Variants in SYNE4 observed in about 807,000 individuals in gnomAD.
The protein encoded by SYNE4 is spectrin repeat containing nuclear envelope family member 4.
Under a neutral mutation model 46.9 loss-of-function variants are expected in SYNE4, and 41 were observed. The observed-to-expected ratio is 0.87, with a 90% CI of 0.68 to 1.13. SYNE4 has a LOEUF of 1.13. Among genes scored for constraint, SYNE4 ranks in the 50% most tolerant of loss-of-function variants. The pLI, the probability that SYNE4 is intolerant of heterozygous loss-of-function variation, is 0.00. For missense variants in SYNE4, 492 were observed against 514.8 expected (o/e 0.96, Z 0.43); for synonymous variants, 221 against 219.5 (o/e 1.01, Z -0.06).
chr19:36,003,690 C>T lies in SYNE4; in HGVS notation c.973-19G>A. The T allele has an allele frequency of 1.2e-6, 2 of 1,610,076 alleles. No individual in the cohort carries two copies. Among genetic ancestry groups the T allele is most frequent in the Non-Finnish European group, 1.7e-6 (2 of 1,178,326 alleles). On this transcript the variant is annotated intron_variant, in intron 6 of 7. Transcript: ENST00000324444. ...TCTTGTCCTAAGGAGGGAGAGCAGC[C>T]AGCAGCAGAATGGATAGAAATGATG... is the stretch of plus-strand genomic sequence containing the variant.
At chr19:36,007,078 A>C (rs1293807689) in intron 3 of SYNE4, 47 bp downstream of exon 3, 2 of 1,575,718 alleles carry the variant, frequency 1.3e-6, no homozygotes, top group East Asian at 4.7e-5. Context: ...GCTGGCACCC[A>C]CTGCTGGGGC....
intron 5 of SYNE4, 186 bp from the exon 6 acceptor site, chr19:36,005,623 G>T (rs1976823110): frequency 1.7e-6 from 1 of 595,974 alleles, no homozygotes; most frequent in Non-Finnish European, 2.9e-6. Flanking sequence ...TCTGTTACAA[G>T]CCAGGAACTG....
Position 36,007,623 on chromosome 19 carries a change from T to A in SYNE4, c.280-355A>T, listed in dbSNP as rs1210200823. On this transcript the variant is annotated intron_variant, in intron 2 of 7. Coordinates refer to ENST00000324444, the MANE Select transcript of SYNE4 (RefSeq NM_001039876.3). ...CGGGCGCAGTGGTTCACATCTGTAA[T>A]CCCAGCACTTTGGGAGGCCGAGGCC... 5.1e-6 allele frequency: 5 copies of A among 984,634 alleles called. No individual in the cohort carries two copies. In the African/African-American group the frequency reaches 8.8e-5, roughly 17 times the overall value. The allele number at this position is 984,634 out of a possible 1,614,324, so 61.0% of individuals were successfully genotyped here.
At chr19:36,004,200 G>T (rs928048447) in intron 6 of SYNE4, among the ~76,000 whole-genome samples, 2 of 152,046 alleles carry the variant, frequency 1.3e-5, no homozygotes, top group African/African-American at 4.8e-5. Context: ...TTGTAGAGAT[G>T]GGGGGAGGGG....
At chr19:36,007,067 AGCTGGCACCCACT>A in intron 3 of SYNE4, 45 bp downstream of exon 3, 9 of 1,567,578 alleles carry the variant, frequency 5.7e-6, no homozygotes, top group Non-Finnish European at 6.9e-6. Context: ...CATCCCGGAA[AGCTGGCACCCACT>A]GCTGGGGCCG....
In SYNE4 at chr19:36,003,340, G is replaced by A. The variant is rs766755596; in HGVS notation, c.1212C>T (p.Val404=). 1 of 1,614,028 alleles carries A rather than the reference G, an allele frequency of 6.2e-7. No homozygotes were observed. The highest frequency in any genetic ancestry group is 1.1e-5 in the South Asian group (1 of 91,046). Residue 404 remains valine, a synonymous_variant, in exon 8 of 8, where the codon GTC becomes GTT. Transcript: ENST00000324444. ...CAGTGACCATTTATTACACACATCAGACTGGGGGAAGACCATTGACATAGC... is the reference window on the plus strand; with the variant it reads ...CAGTGACCATTTATTACACACATCAAACTGGGGGAAGACCATTGACATAGC... ...VLSYVNGLPP[V]
chr19:36,006,392 C>T (rs1976850813), intron 5 of SYNE4, 31 bp downstream of exon 5: 1 of 1,563,188 alleles, frequency 6.4e-7, no homozygotes, highest in Non-Finnish European at 8.7e-7. Context: ...GGGTGCCTGG[C>T]AGAAGGTCCC....
chr19:36,005,484 A>G (rs1376985738), intron 5 of SYNE4, 47 bp from the exon 6 acceptor site: 1 of 1,569,042 alleles, frequency 6.4e-7, no homozygotes, highest in African/African-American at 1.4e-5. Flanking sequence ...GAGGGCCAGG[A>G]TAGGGATGTC....
In SYNE4 at chr19:36,006,618, C is replaced by G; in HGVS notation, c.672G>C (p.Ser224=). The G allele has an allele frequency of 1.9e-6, 3 of 1,610,132 alleles. No individual in the cohort carries two copies. The highest frequency in any genetic ancestry group is 1.7e-6 in the Non-Finnish European group (2 of 1,178,164). ...AGACCCCACCAGGTCCTGGCCAGTCCGAGTCTCCCTCGACCTCCAAGTCCT... is the reference window on the plus strand; with the variant it reads ...AGACCCCACCAGGTCCTGGCCAGTCGGAGTCTCCCTCGACCTCCAAGTCCT... The part of the protein sequence containing the change: ...LDQDLEVEGD[S]DWPGPGGVWG... The change falls in exon 5 of 8, where the codon TCG becomes TCC. Residue 224 remains serine, a synonymous_variant. Coordinates refer to ENST00000324444, the MANE Select transcript of SYNE4 (RefSeq NM_001039876.3).
Position 36,003,507 on chromosome 19 carries a change from C to T in SYNE4, c.1045G>A (p.Ala349Thr). The change falls in exon 8 of 8, where the codon GCA (alanine) becomes ACA (threonine). Residue 349 changes from alanine to threonine, a missense_variant. By Grantham distance (58) the Ala-to-Thr change is moderately conservative (BLOSUM62 0). Transcript: ENST00000324444. ...LEGNPGAPDP[A>T]SRQPLTFLLI... ...AGGAAGGTCAGAGGCTGCCTGGATGCAGGATCGGGGGCCCTGTGAAGGGAA... is the reference window on the plus strand; with the variant it reads ...AGGAAGGTCAGAGGCTGCCTGGATGTAGGATCGGGGGCCCTGTGAAGGGAA... 3 of 1,600,258 alleles carry T rather than the reference C, an allele frequency of 1.9e-6. No homozygotes were observed. The highest frequency in any genetic ancestry group is 2.6e-6 in the Non-Finnish European group (3 of 1,172,990).
chr19:36,007,193 G>T lies in SYNE4; in HGVS notation c.355C>A (p.Arg119=), dbSNP rs181215219. ...LHLCLLGLGR[R]LQDLEQGLGH... Reference sequence around the variant, plus strand: ...AGGCCTTGCTCCAGGTCCTGCAGCCGGCGGCCCAGCCCCAGCAGGCACAGG... The same window carrying T: ...AGGCCTTGCTCCAGGTCCTGCAGCCTGCGGCCCAGCCCCAGCAGGCACAGG... Residue 119 remains arginine (R), a synonymous_variant, in exon 3 of 8, where the codon CGG becomes AGG. Coordinates refer to ENST00000324444, the MANE Select transcript of SYNE4 (RefSeq NM_001039876.3). 1 of 1,585,164 alleles carries T rather than the reference G, an allele frequency of 6.3e-7. No individual in the cohort carries two copies. Among genetic ancestry groups the T allele is most frequent in the Non-Finnish European group, 8.6e-7 (1 of 1,166,118 alleles).
chr19:36,007,698 G>A (rs1172683598), intron 2 of SYNE4: 4 of 573,142 alleles, frequency 7.0e-6, no homozygotes, highest in Non-Finnish European at 8.8e-6. Context: ...GCAACATGGT[G>A]AGACATCATC....
rs1229512396 is a variant in SYNE4, at chr19:36,008,347, A to C, written c.149T>G (p.Leu50Arg). 1.3e-6 allele frequency: 2 copies of C among 1,562,270 alleles called. No individual in the cohort carries two copies. The highest frequency in any genetic ancestry group is 1.7e-6 in the Non-Finnish European group (2 of 1,151,716). Reference sequence around the variant, plus strand: ...AGGAGGGCCCAAGGAGTCCTGTCCCAGGGTCTGGGCCTGCTCTGGGCTAGG... The same window carrying C: ...AGGAGGGCCCAAGGAGTCCTGTCCCCGGGTCTGGGCCTGCTCTGGGCTAGG... ...ESTSPEQAQT[L>R]GQDSLGPPEH... Residue 50 changes from leucine (L) to arginine (R), a missense_variant, in exon 2 of 8, where the codon CTG (leucine) becomes CGG (arginine). Physicochemically the swap from Leu to Arg is moderately radical, Grantham distance 102. Transcript: ENST00000324444.
At chr19:36,004,015 C>G (rs531172533) in intron 6 of SYNE4, among the ~76,000 whole-genome samples, 1 of 152,138 alleles carries the variant, frequency 6.6e-6, no homozygotes, top group Non-Finnish European at 1.5e-5. Context: ...CACACCTGGC[C>G]GACACATTAT....
Position 36,005,322 on chromosome 19 carries a change from A to G in SYNE4, c.972+11T>C. 6.2e-7 allele frequency: 1 copy of G among 1,613,752 alleles called. No homozygotes were observed. The highest frequency in any genetic ancestry group is 8.5e-7 in the Non-Finnish European group (1 of 1,179,860). On this transcript the variant is annotated intron_variant, in intron 6 of 7. Transcript: ENST00000324444. ...TTCCTGAGTGCTACACCTGGTTGAGAACTGGCTCACCTGAGGCTTCCGGAG... is the reference window on the plus strand; with the variant it reads ...TTCCTGAGTGCTACACCTGGTTGAGGACTGGCTCACCTGAGGCTTCCGGAG...
At position 36,006,831 on chromosome 19, in the gene SYNE4, G is replaced by C; in HGVS notation, c.537C>G (p.Ile179Met). Residue 179 changes from isoleucine to methionine, a missense_variant, in exon 4 of 8, where the codon ATC (isoleucine) becomes ATG (methionine). Physicochemically the swap from Ile to Met is conservative, Grantham distance 10. Transcript: ENST00000324444. ...CTCGGTAAGCTCCCAGGGCCCGCAG[G>C]ATCTGCTCCAGGGCTGCCCAGGCCC... ...EPRAWAALEQILRALGAYRDS... is the reference protein window; with the variant it reads ...EPRAWAALEQMLRALGAYRDS... The C allele has an allele frequency of 2.5e-6, 4 of 1,601,680 alleles. No homozygotes were observed. The highest frequency in any genetic ancestry group is 3.4e-6 in the Non-Finnish European group (4 of 1,175,376).
rs1173204964 is a variant in SYNE4, at chr19:36,008,766, C to A, written c.-85G>T. On this transcript the variant is annotated 5_prime_UTR_variant, in exon 1 of 8. Transcript: ENST00000324444. ...ACAAGGGTGTCCCAGAGCTCCTCCGCTGGAGTCACCCGGGCCTGAGGCTGC... is the reference window on the plus strand; with the variant it reads ...ACAAGGGTGTCCCAGAGCTCCTCCGATGGAGTCACCCGGGCCTGAGGCTGC... The A allele has an allele frequency of 1.4e-6, 2 of 1,479,434 alleles. No homozygotes were observed. The highest frequency in any genetic ancestry group is 1.8e-6 in the Non-Finnish European group (2 of 1,114,570). The allele number at this position is 1,479,434 out of a possible 1,614,324, so 91.6% of individuals were successfully genotyped here.
rs549535425 is a variant in SYNE4, at chr19:36,006,869, G to A, written c.499C>T (p.Arg167Trp). Reference sequence around the variant, plus strand: ...GCTGCCCAGGCCCTGGGCTCACTCCGCTGTGCCAGCCCCTCACCAAACGCT... The same window carrying A: ...GCTGCCCAGGCCCTGGGCTCACTCCACTGTGCCAGCCCCTCACCAAACGCT... ...LLAFGEGLAQ[R>W]SEPRAWAALE... Residue 167 changes from arginine to tryptophan, a missense_variant, in exon 4 of 8, where the codon CGG becomes TGG. Transcript: ENST00000324444. The A allele has an allele frequency of 8.1e-5, 128 of 1,574,140 alleles. No homozygotes were observed. The highest frequency in any genetic ancestry group is 7.1e-4 in the Admixed American group (37 of 51,930).
chr19:36,004,016 G>A (rs552513051), intron 6 of SYNE4, among the ~76,000 whole-genome samples: 5 of 152,016 alleles, frequency 3.3e-5, no homozygotes, highest in East Asian at 1.9e-4. Context: ...ACACCTGGCC[G>A]ACACATTATT....
Sources: gnomAD v4.1 joint callset for allele counts (sites outside exome capture counted in the v4.1 genomes callset) on GRCh38, gnomAD v4.1.1 for gene constraint, MANE v1.5 for transcripts, NCBI Gene and HGNC (gene_info 2026-07-23, HGNC 2026-07-21) for gene names.